The following CTNND2 variants were observed in gnomAD, a reference collection of about 807,000 sequenced individuals.
CTNND2 encodes catenin delta-2.
In CTNND2, 22 loss-of-function variants were observed where a neutral mutation model predicts 144.4. That is an observed-to-expected ratio of 0.15 (90% CI 0.11 to 0.22). The LOEUF is 0.22. Among genes scored for constraint, CTNND2 ranks in the 10% least tolerant of loss-of-function variants. The probability of loss-of-function intolerance (pLI) is 1.00; values close to 1 mark genes in which losing one functional copy is unlikely to be tolerated. For missense variants in CTNND2, 1,353 were observed against 1,618.8 expected, an observed-to-expected ratio of 0.84 and a Z score of 2.82; for synonymous variants, 751 against 695.6, an observed-to-expected ratio of 1.08 and a Z score of -1.25.
chr5:11,143,833 G>A (rs1437935460), intron 12 of CTNND2, among the ~76,000 whole-genome samples: 1 of 152,254 alleles, frequency 6.6e-6, no homozygotes, highest in African/African-American at 2.4e-5. Flanking sequence ...ACCAGGGACT[G>A]TGGGAGTCAG....
intron 2 of CTNND2, among the ~76,000 whole-genome samples, chr5:11,703,814 A>G (rs2126676441): frequency 6.6e-6 from 1 of 152,358 alleles, no homozygotes; most frequent in African/African-American, 2.4e-5. Context: ...TTTGGAATAA[A>G]GATACAAAAT....
At chr5:11,333,790 C>T (rs1001817728) in intron 9 of CTNND2, among the ~76,000 whole-genome samples, 1 of 152,148 alleles carries the variant, frequency 6.6e-6, no homozygotes, top group Non-Finnish European at 1.5e-5. Context: ...AGGTTGACTC[C>T]TCACCATGGG....
intron 3 of CTNND2, among the ~76,000 whole-genome samples, chr5:11,555,181 C>A (rs72732990): frequency 6.6e-6 from 1 of 152,088 alleles, no homozygotes; most frequent in African/African-American, 2.4e-5. Flanking sequence ...CCACTGGTTT[C>A]GCATATGCTT....
intron 9 of CTNND2, among the ~76,000 whole-genome samples, chr5:11,335,649 C>T (rs904653262): frequency 7.2e-5 from 11 of 152,116 alleles, no homozygotes; most frequent in Admixed American, 1.3e-4. Context: ...TAGGGTCTGG[C>T]GGCGGGGAAC....
chr5:11,623,829 T>C (rs907105125), intron 2 of CTNND2, among the ~76,000 whole-genome samples: 12 of 120,144 alleles, frequency 1.0e-4, no homozygotes, highest in African/African-American at 3.7e-4. Context: ...TATATATATA[T>C]ATATATATAT....
intron 21 of CTNND2, among the ~76,000 whole-genome samples, chr5:10,977,127 C>CCAAGATGA (rs1481785244): frequency 5.3e-5 from 8 of 152,302 alleles, no homozygotes; most frequent in African/African-American, 1.7e-4. Context: ...GACAGAAGAA[C>CCAAGATGA]CAAGATGAGT....
rs57571885 is a variant in CTNND2, at chr5:11,123,745, AG to A, written c.2160-6179del. ...GTGTTTCACTGGTCTCCAGCTGATG[AG>A]AACGCATTCCAAAGGTGAGAACCAC... On this transcript the variant is annotated intron_variant, in intron 12 of 21. Transcript: ENST00000304623. 2.5e-3 allele frequency among the ~76,000 whole-genome samples: 383 copies of A among 152,350 alleles called. 1 individual carries two copies. The highest frequency in any genetic ancestry group is 8.3e-3 in the African/African-American group (346 of 41,584).
At chr5:11,554,494 T>C (rs1455759158) in intron 3 of CTNND2, among the ~76,000 whole-genome samples, 1 of 149,190 alleles carries the variant, frequency 6.7e-6, no homozygotes, top group Non-Finnish European at 1.5e-5. Context: ...ATTGAATCTA[T>C]AGAAAGTGAT....
intron 1 of CTNND2, among the ~76,000 whole-genome samples, chr5:11,758,203 A>G (rs1479602063): frequency 1.3e-5 from 2 of 151,964 alleles, no homozygotes; most frequent in African/African-American, 4.8e-5. Context: ...TATGATACCA[A>G]TATCTATTTA....
At chr5:11,478,280 G>T (rs1218862474) in intron 3 of CTNND2, among the ~76,000 whole-genome samples, 6 of 152,154 alleles carry the variant, frequency 3.9e-5, no homozygotes, top group Non-Finnish European at 2.9e-5. Flanking sequence ...GTGCTTGGGG[G>T]ACCTATACAT....
chr5:11,098,808 C>A, intron 14 of CTNND2, 60 bp from the exon 15 acceptor site: 1 of 1,547,946 alleles, frequency 6.5e-7, no homozygotes, highest in South Asian at 1.2e-5. Flanking sequence ...CCCAACTTTG[C>A]CTTCCTCAAA....
In CTNND2 at chr5:11,658,675, G is replaced by A. The variant is rs541216595; in HGVS notation, c.174+73461C>T. Reference sequence around the variant, plus strand: ...ACTCACTTAAGCCCCCTGGCTTCACGCACTCAGCTTGTAAGCTTTCCATAA... The same window carrying A: ...ACTCACTTAAGCCCCCTGGCTTCACACACTCAGCTTGTAAGCTTTCCATAA... On this transcript the variant is annotated intron_variant, in intron 2 of 21. Transcript: ENST00000304623. Among the ~76,000 whole-genome samples the A allele has an allele frequency of 4.6e-5, 7 of 152,228 alleles. No individual in the cohort carries two copies. The East Asian group carries it at 7.7e-4, about 17-fold the overall frequency.
At chr5:11,639,615 T>C (rs1485435328) in intron 2 of CTNND2, among the ~76,000 whole-genome samples, 1 of 152,068 alleles carries the variant, frequency 6.6e-6, no homozygotes, top group Non-Finnish European at 1.5e-5. Flanking sequence ...ATACGGAAAA[T>C]TCTGGTTAGG....
At chr5:11,105,288 T>C (rs1213233843) in intron 14 of CTNND2, among the ~76,000 whole-genome samples, 2 of 152,236 alleles carry the variant, frequency 1.3e-5, no homozygotes, top group Non-Finnish European at 2.9e-5. Flanking sequence ...GTTTATATGT[T>C]TGGTAATATG....
At chr5:11,819,326 C>G (rs1023763183) in intron 1 of CTNND2, among the ~76,000 whole-genome samples, 1 of 151,816 alleles carries the variant, frequency 6.6e-6, no homozygotes. Flanking sequence ...CCCAGCTACT[C>G]GGGAGGCTGA....
intron 2 of CTNND2, among the ~76,000 whole-genome samples, chr5:11,579,768 C>T (rs1434299033): frequency 6.6e-6 from 1 of 152,152 alleles, no homozygotes; most frequent in Admixed American, 6.5e-5. Context: ...TTTTTAGGAA[C>T]AACCAAATTA....
chr5:11,761,051 G>T (rs1401024796), intron 1 of CTNND2, among the ~76,000 whole-genome samples: 1 of 152,094 alleles, frequency 6.6e-6, no homozygotes, highest in Non-Finnish European at 1.5e-5. Context: ...ACTTAATTAA[G>T]AAACAAGTGG....
rs139941919 is a variant in CTNND2 at position 11,338,033 on chromosome 5, T to C, written c.1628+8339A>G. On this transcript the variant is annotated intron_variant, in intron 9 of 21. Coordinates refer to ENST00000304623, the MANE Select transcript of CTNND2 (RefSeq NM_001332.4). ...GAATAAGCAAATATGATGGATCCAC[T>C]TGTAATTCATCAGAGACACAAGCTA... is the stretch of plus-strand genomic sequence containing the variant. 2.9e-3 allele frequency among the ~76,000 whole-genome samples: 442 copies of C among 152,254 alleles called. 3 individuals carry two copies. The highest frequency in any genetic ancestry group is 9.7e-3 in the African/African-American group (404 of 41,532).
At chr5:11,263,806 CCTCTA>C (rs2149961243) in intron 9 of CTNND2, among the ~76,000 whole-genome samples, 1 of 152,222 alleles carries the variant, frequency 6.6e-6, no homozygotes, top group Non-Finnish European at 1.5e-5. Context: ...AGTCTTTTGT[CCTCTA>C]CTCTAAACAC....
Sources: gnomAD v4.1 joint callset for allele counts (sites outside exome capture counted in the v4.1 genomes callset) on GRCh38, gnomAD v4.1.1 for gene constraint, MANE v1.5 for transcripts, NCBI Gene and HGNC (gene_info 2026-07-23, HGNC 2026-07-21) for gene names.